ABCD3: variants seen among roughly 807,000 people sequenced by gnomAD.
ABCD3 encodes ATP-binding cassette sub-family D member 3.
ABCD3 carries 41 observed loss-of-function variants against 105.5 expected under a neutral mutation model. The observed-to-expected ratio is 0.39, with a 90% CI of 0.30 to 0.50. ABCD3 has a LOEUF of 0.50. Among genes scored for constraint, ABCD3 ranks in the 20% least tolerant of loss-of-function variants. The probability of loss-of-function intolerance (pLI) is 0.84; values close to 1 mark genes in which losing one functional copy is unlikely to be tolerated. For missense variants in ABCD3, 622 were observed against 806.3 expected, an observed-to-expected ratio of 0.77 and a Z score of 2.77; for synonymous variants, 258 against 269.0, an observed-to-expected ratio of 0.96 and a Z score of 0.40.
At chr1:94,399,811 G>T in the ABCD3 span, among the ~76,000 whole-genome samples, 10 of 152,176 alleles carry the variant, frequency 6.6e-5, no homozygotes, top group Non-Finnish European at 1.0e-4. Flanking sequence ...TTTGGGGGAG[G>T]ACTCCATCCA....
chr1:94,460,196 G>A (rs1375431891), intron 2 of ABCD3, among the ~76,000 whole-genome samples: 4 of 152,180 alleles, frequency 2.6e-5, no homozygotes, highest in East Asian at 3.9e-4. Context: ...AATTTATTGC[G>A]GTAAATGTCA....
At chr1:94,515,096 A>C in intron 21 of ABCD3, 50 bp from the exon 22 acceptor site, 2 of 1,417,574 alleles carry the variant, frequency 1.4e-6, no homozygotes, top group East Asian at 2.3e-5. Context: ...GGACTAGTTT[A>C]ATTTGTGACT....
the ABCD3 span, among the ~76,000 whole-genome samples, chr1:94,398,246 G>A: frequency 3.9e-5 from 6 of 152,048 alleles, no homozygotes; most frequent in Admixed American, 6.6e-5. Flanking sequence ...CTATTCTAGC[G>A]CCAGAGGGTT....
At chr1:94,424,207 G>T (rs1378496330) in intron 1 of ABCD3, among the ~76,000 whole-genome samples, 1 of 151,936 alleles carries the variant, frequency 6.6e-6, no homozygotes, top group Non-Finnish European at 1.5e-5. Context: ...CTGCTAGGGG[G>T]AACTGAGTAC....
intron 16 of ABCD3, among the ~76,000 whole-genome samples, chr1:94,498,123 A>G (rs11165150): frequency 0.26 from 39,146 of 152,032 alleles, 5,669 homozygotes; most frequent in Admixed American, 0.34. Flanking sequence ...CTGTCAGCCT[A>G]GGTGACATCA....
chr1:94,496,694 G>GGTT (rs1302104709), intron 16 of ABCD3, among the ~76,000 whole-genome samples: 116 of 39,380 alleles, frequency 2.9e-3, no homozygotes, highest in Non-Finnish European at 3.8e-3. Context: ...CCTTGTTTCT[G>GGTT]TTTTTTTTTT....
intron 7 of ABCD3, 72 bp downstream of exon 7, chr1:94,475,809 GA>G: frequency 7.6e-7 from 1 of 1,315,020 alleles, no homozygotes; most frequent in East Asian, 2.5e-5. Context: ...AATTTATATA[GA>G]ATTGATTTTG....
At chr1:94,458,941 CT>C (rs1274110754) in intron 2 of ABCD3, among the ~76,000 whole-genome samples, 3 of 141,604 alleles carry the variant, frequency 2.1e-5, no homozygotes, top group African/African-American at 5.2e-5. Flanking sequence ...CTTGTCCCCC[CT>C]CCCTTCCCCT....
At chr1:94,424,609 GT>G (rs1337361472) in intron 1 of ABCD3, among the ~76,000 whole-genome samples, 1 of 151,878 alleles carries the variant, frequency 6.6e-6, no homozygotes, top group Non-Finnish European at 1.5e-5. Context: ...TAGAGACAAG[GT>G]CACGTTATGT....
At chr1:94,463,743 G>GA (rs982221757) in intron 2 of ABCD3, among the ~76,000 whole-genome samples, 34 of 152,076 alleles carry the variant, frequency 2.2e-4, no homozygotes, top group African/African-American at 8.0e-4. Context: ...TAGTGAAAAT[G>GA]AAAAAACTCT....
At chr1:94,412,260 C>T in the ABCD3 span, among the ~76,000 whole-genome samples, 1 of 152,060 alleles carries the variant, frequency 6.6e-6, no homozygotes, top group Non-Finnish European at 1.5e-5. Context: ...ACCCCTTACC[C>T]CTACTAAGTT....
intron 2 of ABCD3, among the ~76,000 whole-genome samples, chr1:94,459,629 A>G (rs957436209): frequency 2.0e-5 from 3 of 152,202 alleles, no homozygotes; most frequent in Non-Finnish European, 4.4e-5. Context: ...AGATATATAT[A>G]CCATAAAATT....
intron 1 of ABCD3, among the ~76,000 whole-genome samples, chr1:94,446,494 C>G (rs566763216): frequency 6.6e-6 from 1 of 152,168 alleles, no homozygotes; most frequent in South Asian, 2.1e-4. Context: ...ACTTCTGTTC[C>G]CTGGAAAGCA....
chr1:94,388,800 T>G, the ABCD3 span, among the ~76,000 whole-genome samples: 1 of 151,336 alleles, frequency 6.6e-6, no homozygotes, highest in Non-Finnish European at 1.5e-5. Flanking sequence ...GGAGGAGGAG[T>G]GAGAGTCTGG....
intron 2 of ABCD3, among the ~76,000 whole-genome samples, chr1:94,460,359 A>G (rs1256257948): frequency 2.6e-5 from 4 of 152,134 alleles, no homozygotes; most frequent in Admixed American, 2.6e-4. Context: ...TGTAAGGACC[A>G]AGGAGATTGC....
chr1:94,440,799 T>G (rs1660104079), intron 1 of ABCD3, among the ~76,000 whole-genome samples: 1 of 152,178 alleles, frequency 6.6e-6, no homozygotes, highest in Non-Finnish European at 1.5e-5. Context: ...GGTTTTGGGT[T>G]TTGCTATCCT....
rs1648062934 is a variant in ABCD3 at position 94,464,845 on chromosome 1, T to C, written c.218T>C (p.Ile73Thr). The C allele has an allele frequency of 6.2e-7, 1 of 1,613,830 alleles. No homozygotes were observed. Among genetic ancestry groups the C allele is most frequent in the Non-Finnish European group, 8.5e-7 (1 of 1,179,912 alleles). The change falls in exon 3 of 23, where the codon ATC becomes ACC. Residue 73 changes from isoleucine to threonine, a missense_variant. This residue lies in a region of ABCD3 where 245 missense variants were observed against 356.4 expected (regional missense o/e 0.69). Transcript: ENST00000370214. ...TCAAGGCTCATACAGATTCTGAAAA[T>C]CATGGTCCCTAGAACATTTTGTAAA... is the stretch of plus-strand genomic sequence containing the variant. ...FFSRLIQILKIMVPRTFCKET... is the reference protein window; with the variant it reads ...FFSRLIQILKTMVPRTFCKET...
chr1:94,498,833 AT>A lies in ABCD3; in HGVS notation c.1519del (p.Tyr507MetfsTer8). On this transcript the variant is annotated frameshift_variant, in exon 18 of 23. Coordinates refer to ENST00000370214, the MANE Select transcript of ABCD3 (RefSeq NM_002858.4). LOFTEE classifies it high-confidence loss of function. ...TAACTAAACCTGAAAGAGGAAAATT[AT>A]TTTATGTTCCTCAGGTAAGACCTAG... ...RLTKPERGKL[F>X]YVPQRPYMTL... The A allele has an allele frequency of 1.9e-6, 3 of 1,613,748 alleles. No homozygotes were observed. The highest frequency in any genetic ancestry group is 2.5e-6 in the Non-Finnish European group (3 of 1,179,812).
chr1:94,463,068 A>G (rs539304264), intron 2 of ABCD3, among the ~76,000 whole-genome samples: 84 of 152,240 alleles, frequency 5.5e-4, no homozygotes, highest in Non-Finnish European at 1.0e-3. Context: ...TGTGCTTATC[A>G]TTTGGAATAG....
Sources: allele counts gnomAD v4.1 joint callset (sites outside exome capture counted in the v4.1 genomes callset), GRCh38; gene constraint gnomAD v4.1.1; regional missense constraint gnomAD v4.1.1; transcripts MANE v1.5; gene names NCBI Gene and HGNC (gene_info 2026-07-23, HGNC 2026-07-21).